NRAP: variants seen among roughly 807,000 people sequenced by gnomAD.
NRAP encodes the protein nebulin related anchoring protein, also known as nebulin-related-anchoring protein.
A neutral mutation model predicts 225.9 loss-of-function variants in NRAP; 189 were observed. The observed-to-expected ratio is 0.84, with a 90% confidence interval of 0.74 to 0.94. The LOEUF is 0.94. Among genes scored for constraint, NRAP ranks in the 40% least tolerant of loss-of-function variants. The pLI is 0.00. For missense variants in NRAP, 2,176 were observed against 2,168.7 expected (o/e 1.00, Z -0.07); for synonymous variants, 769 against 790.7 (o/e 0.97, Z 0.46).
chr10:113,663,520 TA>T (rs770166216), intron 1 of NRAP, 74 bp from the exon 2 acceptor site: 9 of 954,740 alleles, frequency 9.4e-6, no homozygotes, highest in East Asian at 7.6e-5. Context: ...TATTTTAGGG[TA>T]AAAAAATGAA....
intron 27 of NRAP, 134 bp from the exon 28 acceptor site, chr10:113,615,080 G>A (rs1168797372): frequency 4.6e-6 from 3 of 652,892 alleles, no homozygotes; most frequent in Non-Finnish European, 8.4e-6. Flanking sequence ...AGAGATCATG[G>A]TGGCTTAGCT....
intron 28 of NRAP, among the ~76,000 whole-genome samples, chr10:113,614,514 G>C (rs1404338637): frequency 6.6e-6 from 1 of 152,200 alleles, no homozygotes; most frequent in East Asian, 1.9e-4. Flanking sequence ...TTAGCACGTG[G>C]GCGGCCCCGC....
chr10:113,663,684 A>T (rs778212575), intron 1 of NRAP, 127 bp downstream of exon 1: 59 of 746,298 alleles, frequency 7.9e-5, no homozygotes, highest in Non-Finnish European at 1.2e-4. Context: ...AGAAAATATA[A>T]CTTTTTCTTG....
Position 113,588,976 on chromosome 10 carries a change from C to T in NRAP, c.5192G>A (p.Ter1731=). ...CTCAGGAATCAGGGTGGACATGGCT[C>T]ACAACAGCAGGGCCTTCTTCTTTTT... ...HVKKKKALLL[*] is the part of the protein sequence containing the mutation. Residue 1731 remains the stop codon, a stop_retained_variant, in exon 42 of 42, where the codon TGA becomes TAA. Transcript: ENST00000359988. 1 of 1,612,400 alleles carries T rather than the reference C, an allele frequency of 6.2e-7. No homozygotes were observed. The highest frequency in any genetic ancestry group is 8.5e-7 in the Non-Finnish European group (1 of 1,178,552).
At chr10:113,642,838 C>A (rs1849284567) in intron 12 of NRAP, 96 bp downstream of exon 12, 2 of 710,506 alleles carry the variant, frequency 2.8e-6, no homozygotes, top group Non-Finnish European at 5.1e-6. Flanking sequence ...TTCTCCAAGA[C>A]ACATAGATCC....
At chr10:113,609,264 C>T (rs922107019) in intron 31 of NRAP, among the ~76,000 whole-genome samples, 1 of 152,182 alleles carries the variant, frequency 6.6e-6, no homozygotes, top group Non-Finnish European at 1.5e-5. Context: ...TCAGTGGGGC[C>T]CAGGCCTCTG....
At position 113,637,416 on chromosome 10, in the gene NRAP, T is replaced by C. The variant is rs79001585; in HGVS notation, c.1428+2811A>G. 1.3e-3 allele frequency among the ~76,000 whole-genome samples: 197 copies of C among 152,278 alleles called. 6 individuals carry two copies. The East Asian group carries it at 0.036, about 28-fold the overall frequency. Reference sequence around the variant, plus strand: ...GCTCTATACCTATACTCTATAAACCTGGTTTGCCAAAGCTAGTGTGCTTAG... The same window carrying C: ...GCTCTATACCTATACTCTATAAACCCGGTTTGCCAAAGCTAGTGTGCTTAG... On this transcript the variant is annotated intron_variant, in intron 14 of 41. Transcript: ENST00000359988.
In NRAP at chr10:113,594,650, C is replaced by A. The variant is rs3814576; in HGVS notation, c.4536+973G>T. Among the ~76,000 whole-genome samples the A allele has an allele frequency of 6.6e-5, 10 of 152,344 alleles. No homozygotes were observed. In the East Asian group the frequency reaches 1.9e-3, roughly 29 times the overall value. On this transcript the variant is annotated intron_variant, in intron 38 of 41. Transcript: ENST00000359988. The stretch of plus-strand genomic sequence containing the variant: ...TGTTCTAAAATTATCCCCTGCACAT[C>A]CCTCAAAAGCATCAAATGGTCATAA...
At chr10:113,600,155 T>TTCTCTCTCTCTCTCTCTCTC (rs10529111) in intron 35 of NRAP, among the ~76,000 whole-genome samples, 1,593 of 140,206 alleles carry the variant, frequency 0.011, 30 homozygotes, top group Non-Finnish European at 0.015. Flanking sequence ...AGGGGTTATA[T>TTCTCTCTCTCTCTCTCTCTC]TCTCTCTCTC....
At chr10:113,653,511 T>G (rs1287561137) in intron 5 of NRAP, among the ~76,000 whole-genome samples, 1 of 152,250 alleles carries the variant, frequency 6.6e-6, no homozygotes, top group East Asian at 1.9e-4. Flanking sequence ...CTTTCCATTT[T>G]CTAAAGAAAA....
At chr10:113,605,947 GCA>G in intron 33 of NRAP, 78 bp from the exon 34 acceptor site, 5 of 1,061,298 alleles carry the variant, frequency 4.7e-6, no homozygotes, top group Non-Finnish European at 4.4e-6. Context: ...TTCATTTATA[GCA>G]CAGTGTTCCA....
chr10:113,617,522 T>C lies in NRAP; in HGVS notation c.2906A>G (p.Lys969Arg), dbSNP rs1264282116. The C allele has an allele frequency of 6.2e-7, 1 of 1,612,678 alleles. No individual in the cohort carries two copies. Residue 969 changes from lysine (K) to arginine (R), a missense_variant, in exon 26 of 42, where the codon AAG becomes AGG. Transcript: ENST00000359988. ...KKYRQHPDALKFTSIKDTPEM... is the reference protein window; with the variant it reads ...KKYRQHPDALRFTSIKDTPEM... The stretch of plus-strand genomic sequence containing the variant: ...CGGAGTGTCTTTAATACTGGTAAAC[T>C]TCAAAGCATCTGGATGCTGACGGTA...
intron 41 of NRAP, chr10:113,589,376 G>A (rs1845796011): frequency 1.8e-6 from 1 of 570,218 alleles, no homozygotes; most frequent in Admixed American, 3.2e-5. Context: ...CGAGCAAGCA[G>A]TCAGCACAGC....
At chr10:113,663,234 T>C in intron 2 of NRAP, 118 bp downstream of exon 2, 1 of 673,766 alleles carries the variant, frequency 1.5e-6, no homozygotes, top group South Asian at 1.8e-5. Context: ...AGGGAACACT[T>C]TGGGAGAAGA....
At chr10:113,626,000 G>A in intron 21 of NRAP, 47 bp downstream of exon 21, 1 of 1,373,212 alleles carries the variant, frequency 7.3e-7, no homozygotes, top group Non-Finnish European at 1.0e-6. Flanking sequence ...GGTCCCCCAG[G>A]CCCATGACAC....
intron 11 of NRAP, among the ~76,000 whole-genome samples, chr10:113,644,685 G>A (rs1274867944): frequency 6.6e-6 from 1 of 152,116 alleles, no homozygotes; most frequent in Non-Finnish European, 1.5e-5. Flanking sequence ...GATGAGGCTT[G>A]GGAAAATATC....
chr10:113,628,312 T>C (rs1019272745), intron 20 of NRAP, among the ~76,000 whole-genome samples: 6 of 152,140 alleles, frequency 3.9e-5, no homozygotes, highest in African/African-American at 1.4e-4. Context: ...CTCAGCCTCC[T>C]GAGTAGCTGG....
rs796192560 is a variant in NRAP, at chr10:113,647,578, G to A, written c.889-551C>T. Among the ~76,000 whole-genome samples the A allele has an allele frequency of 7.7e-4, 26 of 33,784 alleles. 1 individual carries two copies. The highest frequency in any genetic ancestry group is 1.6e-3 in the East Asian group (1 of 608). 22.2% of individuals were successfully genotyped at this position (33,784 alleles called of 152,430 possible). On this transcript the variant is annotated intron_variant, in intron 9 of 41. Coordinates refer to ENST00000359988, the MANE Select transcript of NRAP (RefSeq NM_198060.4). ...CTCCCCCAGTGGTACTGCCTCCCCT[G>A]GTGGTACTTCCTCCCCTAGTGGTAC...
At position 113,634,194 on chromosome 10, in the gene NRAP, C is replaced by T. The variant is rs1848731557; in HGVS notation, c.1445G>A (p.Ser482Asn). 2 of 1,612,640 alleles carry T rather than the reference C, an allele frequency of 1.2e-6. No individual in the cohort carries two copies. The highest frequency in any genetic ancestry group is 1.3e-5 in the African/African-American group (1 of 74,892). ...VPLKDANYRQ[S>N]IDKLKYSSVT... The stretch of plus-strand genomic sequence containing the variant: ...CGAGCTGTACTTCAACTTGTCGATG[C>T]TCTGCCTATAATTGGCCTAGGTAAA... Residue 482 changes from serine to asparagine, a missense_variant, in exon 15 of 42, where the codon AGC (serine) becomes AAC (asparagine). Around this residue, in one of 3 missense-constraint regions of NRAP, gnomAD observed 1,708 missense variants for 1,695.5 expected, o/e 1.01. Transcript: ENST00000359988.
Sources: gnomAD v4.1 joint callset for allele counts (sites outside exome capture counted in the v4.1 genomes callset) on GRCh38, gnomAD v4.1.1 for gene constraint, gnomAD v4.1.1 regional missense constraint, MANE v1.5 for transcripts, NCBI Gene and HGNC (gene_info 2026-07-23, HGNC 2026-07-21) for gene names.